The following JAK1 variants were observed in gnomAD, a reference collection of about 807,000 sequenced individuals.
JAK1 encodes the protein Janus kinase 1, also known as tyrosine-protein kinase JAK1.
Under a neutral mutation model 136.6 loss-of-function variants are expected in JAK1, and 16 were observed. That is an observed-to-expected ratio of 0.12 (90% CI 0.08 to 0.18). JAK1 has a LOEUF of 0.18. Ranked by LOEUF, JAK1 falls within the 10% of genes least tolerant of loss-of-function variation. JAK1 has a pLI of 1.00. For missense variants in JAK1, 859 were observed against 1,450.1 expected (o/e 0.59, Z 6.62); for synonymous variants, 492 against 519.5 (o/e 0.95, Z 0.72).
At chr1:65,037,795 G>A (rs1360438331) in intron 2 of JAK1, among the ~76,000 whole-genome samples, 1 of 152,156 alleles carries the variant, frequency 6.6e-6, no homozygotes, top group Non-Finnish European at 1.5e-5. Context: ...CTTGCCAGGA[G>A]GTCAAGGCTG....
chr1:64,909,062 A>G (rs989030508), intron 1 of JAK1, among the ~76,000 whole-genome samples: 1 of 152,250 alleles, frequency 6.6e-6, no homozygotes, highest in Non-Finnish European at 1.5e-5. Context: ...TGCTACTGCT[A>G]TCTAGCATTA....
At chr1:64,979,653 T>G (rs924438785) in intron 2 of JAK1, 1 of 152,342 alleles carries the variant, frequency 6.6e-6, no homozygotes, top group African/African-American at 2.4e-5. Context: ...ATCAGCTACA[T>G]GTATAGGGTA....
chr1:65,054,442 A>C (rs1334053395), intron 1 of JAK1, among the ~76,000 whole-genome samples: 3 of 151,938 alleles, frequency 2.0e-5, no homozygotes, highest in Non-Finnish European at 2.9e-5. Flanking sequence ...AAGAAGGGAA[A>C]GGTCTGGGAT....
At chr1:65,045,480 T>TGTGGTGGGAAGCATGAAAGC (rs1647176048) in intron 1 of JAK1, among the ~76,000 whole-genome samples, 1 of 151,940 alleles carries the variant, frequency 6.6e-6, no homozygotes, top group African/African-American at 2.4e-5. Flanking sequence ...GTGGCATTTG[T>TGTGGTGGGAAGCATGAAAGC]GTGGTGGGAA....
intron 1 of JAK1, among the ~76,000 whole-genome samples, chr1:64,918,174 A>T (rs1645432029): frequency 6.6e-6 from 1 of 152,212 alleles, no homozygotes; most frequent in Non-Finnish European, 1.5e-5. Flanking sequence ...GGTGATTTCT[A>T]AGATACCAGT....
chr1:64,893,204 G>A (rs1474641410), intron 1 of JAK1, among the ~76,000 whole-genome samples: 1 of 152,150 alleles, frequency 6.6e-6, no homozygotes, highest in Non-Finnish European at 1.5e-5. Context: ...GCAGGAAAGA[G>A]TATGCAGACA....
chr1:64,951,751 C>T (rs1253865231), intron 1 of JAK1, among the ~76,000 whole-genome samples: 5 of 144,244 alleles, frequency 3.5e-5, no homozygotes, highest in Admixed American at 1.5e-4. Context: ...CTCCACCTCC[C>T]GGGTTCACGC....
At chr1:64,862,611 C>G (rs1276229941) in intron 8 of JAK1, among the ~76,000 whole-genome samples, 1 of 152,168 alleles carries the variant, frequency 6.6e-6, no homozygotes, top group Non-Finnish European at 1.5e-5. Context: ...ATGGGTGCAC[C>G]AACTTGTGTT....
intron 1 of JAK1, among the ~76,000 whole-genome samples, chr1:64,887,981 A>G (rs1014016705): frequency 6.6e-6 from 1 of 152,126 alleles, no homozygotes; most frequent in Non-Finnish European, 1.5e-5. Flanking sequence ...GTTTCCTCAC[A>G]GCATACCGTT....
At chr1:64,867,710 G>C (rs1448898238) in intron 6 of JAK1, among the ~76,000 whole-genome samples, 1 of 152,196 alleles carries the variant, frequency 6.6e-6, no homozygotes, top group Non-Finnish European at 1.5e-5. Flanking sequence ...AGAAAGAAAG[G>C]CTGGGGGCGG....
chr1:64,917,923 C>A (rs1645427413), intron 1 of JAK1, among the ~76,000 whole-genome samples: 1 of 152,212 alleles, frequency 6.6e-6, no homozygotes, highest in South Asian at 2.1e-4. Flanking sequence ...TGCAACCTCT[C>A]AACTCTGGAT....
At chr1:64,893,458 G>A (rs781274777) in intron 1 of JAK1, among the ~76,000 whole-genome samples, 3 of 152,116 alleles carry the variant, frequency 2.0e-5, no homozygotes, top group Non-Finnish European at 4.4e-5. Context: ...GCCTGCTCTT[G>A]GAGTCACCCT....
chr1:64,894,113 C>G (rs138607449), intron 1 of JAK1, among the ~76,000 whole-genome samples: 1 of 152,288 alleles, frequency 6.6e-6, no homozygotes, highest in African/African-American at 2.4e-5. Flanking sequence ...GACAGAGGAA[C>G]AGCCTGATAA....
At chr1:64,987,236 C>T (rs1002752515) in intron 2 of JAK1, 1 of 152,126 alleles carries the variant, frequency 6.6e-6, no homozygotes, top group Non-Finnish European at 1.5e-5. Context: ...TTCTATTTTG[C>T]TTGCATATCT....
chr1:65,043,192 T>C (rs1236972970), intron 2 of JAK1, among the ~76,000 whole-genome samples: 1 of 152,190 alleles, frequency 6.6e-6, no homozygotes, highest in Admixed American at 6.5e-5. Context: ...GACATGGTAT[T>C]GCATCTTTGT....
In JAK1 at chr1:64,837,923, T is replaced by C; in HGVS notation, c.3140+9A>G. Reference sequence around the variant, plus strand: ...GCATTGATAAAACCTAGTGGTTTGATTCAGTTACCAAAACACAGGGCTGTC... The same window carrying C: ...GCATTGATAAAACCTAGTGGTTTGACTCAGTTACCAAAACACAGGGCTGTC... On this transcript the variant is annotated intron_variant, in intron 22 of 24. Coordinates refer to ENST00000342505, the MANE Select transcript of JAK1 (RefSeq NM_002227.4). 1 of 1,607,360 alleles carries C rather than the reference T, an allele frequency of 6.2e-7. No homozygotes were observed. The highest frequency in any genetic ancestry group is 8.5e-7 in the Non-Finnish European group (1 of 1,175,044).
chr1:64,959,180 T>C (rs1485575507), intron 1 of JAK1, among the ~76,000 whole-genome samples: 1 of 152,244 alleles, frequency 6.6e-6, no homozygotes, highest in Non-Finnish European at 1.5e-5. Flanking sequence ...CAACAACTGT[T>C]CTTGAGTATA....
In JAK1 at chr1:64,932,316, G is replaced by A. The variant is rs569716497; in HGVS notation, c.-78+34017C>T. On this transcript the variant is annotated intron_variant, in intron 1 of 24. Transcript: ENST00000342505. ...TAATCCCAGCTACTTGGGAGGCTGA[G>A]GCAGGAGAATCGCTTGAACCAGGGA... Among the ~76,000 whole-genome samples, 18 of 152,284 alleles carry A rather than the reference G, an allele frequency of 1.2e-4. No individual in the cohort carries two copies. In the East Asian group the frequency reaches 3.5e-3, roughly 29 times the overall value.
chr1:64,883,630 C>A (rs923091466), intron 2 of JAK1, among the ~76,000 whole-genome samples, 155 bp from the exon 3 acceptor site: 1 of 152,044 alleles, frequency 6.6e-6, no homozygotes, highest in Non-Finnish European at 1.5e-5. Flanking sequence ...GGAAACCAAA[C>A]ATGTCAGATC....
Sources: allele counts gnomAD v4.1 joint callset (sites outside exome capture counted in the v4.1 genomes callset), GRCh38; gene constraint gnomAD v4.1.1; transcripts MANE v1.5; gene names NCBI Gene and HGNC (gene_info 2026-07-23, HGNC 2026-07-21).